The following TNRC6C variants were observed in gnomAD, a reference collection of about 807,000 sequenced individuals.
The protein encoded by TNRC6C is trinucleotide repeat-containing gene 6C protein.
In TNRC6C, 20 loss-of-function variants were observed where a neutral mutation model predicts 153.7. That is an observed-to-expected ratio of 0.13 (90% confidence interval 0.09 to 0.19). The LOEUF (loss-of-function observed/expected upper bound fraction) is 0.19, where lower values mean the gene tolerates loss of function less well. Ranked by LOEUF, TNRC6C falls within the 10% of genes least tolerant of loss-of-function variation. The pLI is 1.00. For missense variants in TNRC6C, 1,987 were observed against 2,172.0 expected, an observed-to-expected ratio of 0.91 and a Z score of 1.69; for synonymous variants, 811 against 841.4, an observed-to-expected ratio of 0.96 and a Z score of 0.63.
chr17:78,029,926 G>A (rs1265712249), intron 1 of TNRC6C, among the ~76,000 whole-genome samples: 1 of 151,824 alleles, frequency 6.6e-6, no homozygotes, highest in Non-Finnish European at 1.5e-5. Context: ...CATGCATGGA[G>A]GTTTCATCTC....
At chr17:78,050,579 T>C in exon 3 of TNRC6C, 1 of 1,602,444 alleles carries the variant, frequency 6.2e-7, no homozygotes, top group Non-Finnish European at 8.5e-7. Flanking sequence ...ACCTCTTCAG[T>C]ATCTGGGTGG....
intron 1 of TNRC6C, among the ~76,000 whole-genome samples, chr17:77,987,775 G>T (rs945067113): frequency 2.6e-5 from 4 of 152,246 alleles, no homozygotes; most frequent in African/African-American, 7.2e-5. Context: ...TGCCTCCCGG[G>T]TTCAAGCGAT....
Position 78,079,450 on chromosome 17 carries a change from C to T in TNRC6C, c.3266C>T (p.Thr1089Ile). 1.9e-6 allele frequency: 3 copies of T among 1,613,916 alleles called. No homozygotes were observed. Among genetic ancestry groups the T allele is most frequent in the Non-Finnish European group, 2.5e-6 (3 of 1,179,882 alleles). Residue 1089 changes from threonine to isoleucine, a missense_variant, in exon 10 of 20, where the codon ACC becomes ATC. By Grantham distance (89) the Thr-to-Ile change is moderately conservative. Transcript: ENST00000301624. This position sits in a 1 kb window ranked among gnomAD's most constrained non-coding sequence, Gnocchi z 4.3. ...AATAGTGGAGCAGCACAAGCCAGGA[C>T]CATGCAGCAGCCGCCACAGCCACCA...
intron 3 of TNRC6C, among the ~76,000 whole-genome samples, chr17:78,063,250 T>A (rs917655835): frequency 1.4e-5 from 2 of 147,066 alleles, no homozygotes; most frequent in East Asian, 2.0e-4. Context: ...GTCTCCAAAA[T>A]ATATATATAT....
At chr17:78,050,075 G>A (rs1274664896) in exon 3 of TNRC6C, 1 of 1,610,496 alleles carries the variant, frequency 6.2e-7, no homozygotes, top group Non-Finnish European at 8.5e-7. Context: ...ACCTCTAACG[G>A]TGTGAATGGG....
intron 1 of TNRC6C, among the ~76,000 whole-genome samples, chr17:77,993,814 A>C (rs1484192046): frequency 1.3e-5 from 2 of 152,196 alleles, no homozygotes; most frequent in African/African-American, 4.8e-5. Context: ...TTTTAATGTG[A>C]AATATTGACA....
intron 5 of TNRC6C, among the ~76,000 whole-genome samples, chr17:78,070,020 T>C (rs1276934497): frequency 1.3e-5 from 2 of 152,232 alleles, no homozygotes; most frequent in Non-Finnish European, 2.9e-5. Flanking sequence ...GTTTATACTT[T>C]TGAATCGTGT....
At chr17:78,058,862 C>T (rs987750761) in intron 3 of TNRC6C, among the ~76,000 whole-genome samples, 3 of 152,214 alleles carry the variant, frequency 2.0e-5, no homozygotes, top group African/African-American at 7.2e-5. Flanking sequence ...GGTACTTAAT[C>T]TGGTGATATT....
chr17:78,015,247 A>G (rs1188330389), intron 1 of TNRC6C, among the ~76,000 whole-genome samples: 1 of 152,182 alleles, frequency 6.6e-6, no homozygotes, highest in East Asian at 1.9e-4. Context: ...TTCTGAGATG[A>G]CATCAGTCAT....
chr17:77,996,324 A>G (rs1309512756), intron 1 of TNRC6C, among the ~76,000 whole-genome samples: 3 of 152,154 alleles, frequency 2.0e-5, no homozygotes, highest in South Asian at 2.1e-4. Context: ...AAGGAGAAAA[A>G]AAAGAGGAAC....
intron 10 of TNRC6C, among the ~76,000 whole-genome samples, chr17:78,082,840 C>A (rs567009128): frequency 6.6e-6 from 1 of 152,302 alleles, no homozygotes; most frequent in African/African-American, 2.4e-5. Context: ...TCTGGCAGCC[C>A]AACCTTGCAT....
At chr17:78,048,990 A>G (rs765759682) in exon 3 of TNRC6C, 2 of 1,411,308 alleles carry the variant, frequency 1.4e-6, no homozygotes, top group Non-Finnish European at 1.9e-6. Flanking sequence ...TCACAGGAAC[A>G]GAGACTGAAT....
rs2071926621 is a variant in TNRC6C at position 78,025,592 on chromosome 17, TGGG to T, written c.-545-5923_-545-5921del. ...ATGAACGTAAAGTTTTCAACTCATT[TGGG>T]TAAATACCTATTAGCTTTTCTGTTA... On this transcript the variant is annotated intron_variant, in intron 1 of 19. Transcript: ENST00000301624. 2.0e-5 allele frequency among the ~76,000 whole-genome samples: 3 copies of T among 152,328 alleles called. No individual in the cohort carries two copies. In the South Asian group the frequency reaches 6.2e-4, roughly 32 times the overall value.
chr17:78,049,982 G>T lies in TNRC6C; in HGVS notation c.920G>T (p.Gly307Val), dbSNP rs200769817. ...GATTCAGGACCTCCTGCTGGTCCTG[G>T]AATACTCGCCTGGGGAAGGGGCAGT... Residue 307 changes from glycine to valine, a missense_variant, in exon 3 of 20, where the codon GGA (glycine) becomes GTA (valine). By Grantham distance (109) the Gly-to-Val change is moderately radical. This residue lies in a region of TNRC6C where 1,052 missense variants were observed against 1,017.0 expected (regional missense o/e 1.03). Transcript: ENST00000301624. The surrounding 1 kb of genome is among the most constrained non-coding windows in gnomAD (Gnocchi z 4.1). 340 of 1,614,024 alleles carry T rather than the reference G, an allele frequency of 2.1e-4. No individual in the cohort carries two copies. Among genetic ancestry groups the T allele is most frequent in the Non-Finnish European group, 2.6e-4 (304 of 1,179,882 alleles).
chr17:78,073,651 C>T (rs2073036238), intron 7 of TNRC6C, among the ~76,000 whole-genome samples: 1 of 152,132 alleles, frequency 6.6e-6, no homozygotes, highest in African/African-American at 2.4e-5. Context: ...TTAACGAATA[C>T]CGAACCAGTG....
intron 1 of TNRC6C, among the ~76,000 whole-genome samples, chr17:78,015,969 C>T (rs369005272): frequency 6.6e-6 from 1 of 152,102 alleles, no homozygotes; most frequent in African/African-American, 2.4e-5. Context: ...AACCAGATTT[C>T]GGCTGAAGAA....
chr17:78,100,662 G>C (rs887741396), intron 17 of TNRC6C, among the ~76,000 whole-genome samples: 2 of 152,040 alleles, frequency 1.3e-5, no homozygotes, highest in African/African-American at 2.4e-5. Flanking sequence ...ACATGCTCTA[G>C]AGACAGTCTC....
At chr17:77,967,814 G>A (rs1359941330) in intron 1 of TNRC6C, among the ~76,000 whole-genome samples, 1 of 152,182 alleles carries the variant, frequency 6.6e-6, no homozygotes, top group African/African-American at 2.4e-5. Flanking sequence ...TGACTAATGA[G>A]ATTATTCTGG....
chr17:78,038,064 T>G (rs1168820174), intron 2 of TNRC6C, among the ~76,000 whole-genome samples: 1 of 152,160 alleles, frequency 6.6e-6, no homozygotes, highest in Non-Finnish European at 1.5e-5. Flanking sequence ...TAGAAAGCCA[T>G]ATGCAAGACA....
Sources: gnomAD v4.1 joint callset for allele counts (sites outside exome capture counted in the v4.1 genomes callset) on GRCh38, gnomAD v4.1.1 for gene constraint, gnomAD v4.1.1 regional missense constraint, Gnocchi (gnomAD v3.1) non-coding constraint, MANE v1.5 for transcripts, NCBI Gene and HGNC (gene_info 2026-07-23, HGNC 2026-07-21) for gene names.